ASIC2: variants seen among roughly 807,000 people sequenced by gnomAD.
The protein encoded by ASIC2 is acid sensing ion channel subunit 2.
In ASIC2, 25 loss-of-function variants were observed where a neutral mutation model predicts 57.3. The observed-to-expected ratio is 0.44, with a 90% CI of 0.32 to 0.61. The LOEUF (loss-of-function observed/expected upper bound fraction) is 0.61. Ranked by LOEUF, ASIC2 falls within the 20% of genes least tolerant of loss-of-function variation. The pLI is 0.06. For synonymous variants in ASIC2, 319 were observed against 307.5 expected, an observed-to-expected ratio of 1.04 and a Z score of -0.39; for missense variants, 641 against 738.1, an observed-to-expected ratio of 0.87 and a Z score of 1.52.
chr17:33,579,257 G>A (rs975043335), intron 1 of ASIC2, among the ~76,000 whole-genome samples: 1 of 144,926 alleles, frequency 6.9e-6, no homozygotes, highest in Non-Finnish European at 1.5e-5. Context: ...TTGCACTCCA[G>A]CCTGGGTAGC....
intron 1 of ASIC2, among the ~76,000 whole-genome samples, chr17:33,278,907 T>C (rs1489570422): frequency 6.6e-6 from 1 of 152,016 alleles, no homozygotes; most frequent in African/African-American, 2.4e-5. Flanking sequence ...AGATGACAGC[T>C]GAGGAAGGGG....
In ASIC2 at chr17:33,483,014, C is replaced by T. The variant is rs562777265; in HGVS notation, c.556-370947G>A. Among the ~76,000 whole-genome samples the T allele has an allele frequency of 3.3e-5, 5 of 152,228 alleles. No homozygotes were observed. In the South Asian group the frequency reaches 6.2e-4, roughly 19 times the overall value. The stretch of plus-strand genomic sequence containing the variant: ...CTAGGAAGGACAGAGATGAATGAGG[C>T]GGAGAGAATGGGGAGAGATGGCAAA... On this transcript the variant is annotated intron_variant, in intron 1 of 9. Transcript: ENST00000359872.
chr17:33,936,463 G>T (rs1916064273), intron 1 of ASIC2: 2 of 152,228 alleles, frequency 1.3e-5, no homozygotes, highest in African/African-American at 4.8e-5. Context: ...CCAAGCTGAG[G>T]TCGGCACTGG....
At chr17:33,242,501 A>C (rs1908543780) in intron 1 of ASIC2, among the ~76,000 whole-genome samples, 1 of 152,104 alleles carries the variant, frequency 6.6e-6, no homozygotes, top group African/African-American at 2.4e-5. Context: ...ACAGATAAAG[A>C]AAATGAGGCT....
chr17:33,165,347 G>C (rs1023303109), intron 1 of ASIC2, among the ~76,000 whole-genome samples: 2 of 152,184 alleles, frequency 1.3e-5, no homozygotes, highest in African/African-American at 2.4e-5. Flanking sequence ...ACTTGGTATA[G>C]TCTAAGTGCC....
intron 1 of ASIC2, among the ~76,000 whole-genome samples, chr17:33,766,993 C>G (rs954595132): frequency 6.6e-6 from 1 of 152,224 alleles, no homozygotes; most frequent in African/African-American, 2.4e-5. Context: ...TTTTGACCAT[C>G]ATTAAATAAA....
At chr17:33,757,690 C>T (rs1302072370) in intron 1 of ASIC2, among the ~76,000 whole-genome samples, 1 of 152,224 alleles carries the variant, frequency 6.6e-6, no homozygotes, top group Non-Finnish European at 1.5e-5. Context: ...TATCAAAACA[C>T]TCTTCTGTAT....
intron 1 of ASIC2, among the ~76,000 whole-genome samples, chr17:33,210,521 C>T (rs1436129514): frequency 6.6e-6 from 1 of 152,210 alleles, no homozygotes; most frequent in African/African-American, 2.4e-5. Flanking sequence ...ATGCCTGAGA[C>T]TGTGAAAGCT....
chr17:34,089,768 T>C (rs1469643437), intron 1 of ASIC2, among the ~76,000 whole-genome samples: 2 of 152,078 alleles, frequency 1.3e-5, no homozygotes, highest in South Asian at 4.2e-4. Flanking sequence ...AAATCTGCTC[T>C]CCCCTTTCTC....
At chr17:33,363,190 A>G (rs1316159995) in intron 1 of ASIC2, among the ~76,000 whole-genome samples, 2 of 152,220 alleles carry the variant, frequency 1.3e-5, no homozygotes, top group African/African-American at 2.4e-5. Flanking sequence ...AAAGACTGCC[A>G]TTTTCCAAGC....
chr17:33,867,465 C>T (rs1914272773), intron 1 of ASIC2, among the ~76,000 whole-genome samples: 2 of 152,166 alleles, frequency 1.3e-5, no homozygotes, highest in Non-Finnish European at 2.9e-5. Context: ...CACAGCTAGT[C>T]CAGGAAGAGT....
At chr17:33,359,617 T>C (rs1045639902) in intron 1 of ASIC2, among the ~76,000 whole-genome samples, 5 of 152,130 alleles carry the variant, frequency 3.3e-5, no homozygotes, top group African/African-American at 1.2e-4. Context: ...CAAAAACTTC[T>C]CCCCTAAAGC....
chr17:34,012,064 T>C (rs2142022436), intron 1 of ASIC2, among the ~76,000 whole-genome samples: 1 of 152,300 alleles, frequency 6.6e-6, no homozygotes, highest in South Asian at 2.1e-4. Flanking sequence ...CCTCCCCTTA[T>C]TTTGGTTATT....
chr17:33,616,821 G>T (rs1314844697), intron 1 of ASIC2, among the ~76,000 whole-genome samples: 1 of 152,238 alleles, frequency 6.6e-6, no homozygotes, highest in African/African-American at 2.4e-5. Flanking sequence ...AGTTGTGTGG[G>T]CACAAGTGTG....
chr17:33,679,743 G>A (rs1391106039), intron 1 of ASIC2, among the ~76,000 whole-genome samples: 2 of 152,158 alleles, frequency 1.3e-5, no homozygotes, highest in African/African-American at 4.8e-5. Flanking sequence ...AAGGCAGAGG[G>A]GACAGCCTTC....
chr17:33,338,628 A>T (rs1907614707), intron 1 of ASIC2, among the ~76,000 whole-genome samples: 1 of 152,176 alleles, frequency 6.6e-6, no homozygotes, highest in Non-Finnish European at 1.5e-5. Context: ...GGACAAAAAA[A>T]TTGTCTTTTG....
chr17:33,253,817 C>T (rs1350617978), intron 1 of ASIC2, among the ~76,000 whole-genome samples: 2 of 152,116 alleles, frequency 1.3e-5, no homozygotes, highest in South Asian at 2.1e-4. Flanking sequence ...GTGGAAGTGG[C>T]CTGATCTTGG....
At chr17:33,876,112 G>A (rs1461668966) in intron 1 of ASIC2, among the ~76,000 whole-genome samples, 1 of 152,176 alleles carries the variant, frequency 6.6e-6, no homozygotes, top group African/African-American at 2.4e-5. Flanking sequence ...TCCTGTGCTG[G>A]CACTTACTGG....
chr17:33,803,676 A>G (rs1912195751), intron 1 of ASIC2, among the ~76,000 whole-genome samples: 1 of 143,668 alleles, frequency 7.0e-6, no homozygotes, highest in African/African-American at 2.6e-5. Context: ...AAGAAAATTC[A>G]TTTCACCCAC....
Sources: allele counts gnomAD v4.1 joint callset (sites outside exome capture counted in the v4.1 genomes callset), GRCh38; gene constraint gnomAD v4.1.1; transcripts MANE v1.5; gene names NCBI Gene and HGNC (gene_info 2026-07-23, HGNC 2026-07-21).